Variants in GBE1 observed in about 807,000 individuals in gnomAD.
GBE1 encodes 1,4-alpha-glucan branching enzyme 1, also known as 1,4-alpha-glucan-branching enzyme.
A neutral mutation model predicts 88.8 loss-of-function variants in GBE1; 70 were observed. The observed-to-expected ratio is 0.79, with a 90% confidence interval of 0.65 to 0.96. GBE1 has a LOEUF of 0.96. Among genes scored for constraint, GBE1 ranks in the 40% least tolerant of loss-of-function variants. GBE1 has a pLI of 0.00. For missense variants in GBE1, 872 were observed against 871.0 expected (o/e 1.00, Z -0.01); for synonymous variants, 284 against 300.1 (o/e 0.95, Z 0.56).
At chr3:81,664,693 T>A (rs969268024) in intron 3 of GBE1, among the ~76,000 whole-genome samples, 1 of 152,190 alleles carries the variant, frequency 6.6e-6, no homozygotes, top group Non-Finnish European at 1.5e-5. Context: ...TTGCTTATAG[T>A]TCTATTCACA....
At chr3:81,681,714 A>G (rs1181216737) in intron 2 of GBE1, among the ~76,000 whole-genome samples, 1 of 152,228 alleles carries the variant, frequency 6.6e-6, no homozygotes, top group Non-Finnish European at 1.5e-5. Context: ...TAAAACCAAT[A>G]GTTCTTTAGT....
chr3:81,704,772 C>T (rs537155472), intron 2 of GBE1, among the ~76,000 whole-genome samples: 1 of 152,024 alleles, frequency 6.6e-6, no homozygotes, highest in South Asian at 2.1e-4. Flanking sequence ...ATGTATTTAC[C>T]CTTCAAGAAT....
At chr3:81,525,936 G>A (rs948875527) in intron 14 of GBE1, among the ~76,000 whole-genome samples, 2 of 151,806 alleles carry the variant, frequency 1.3e-5, no homozygotes, top group African/African-American at 4.8e-5. Context: ...TTCTTTATTA[G>A]TCTTCCTAGC....
At chr3:81,541,355 A>C (rs1208739929) in intron 12 of GBE1, among the ~76,000 whole-genome samples, 2 of 151,890 alleles carry the variant, frequency 1.3e-5, no homozygotes, top group Non-Finnish European at 2.9e-5. Flanking sequence ...TAAAAATGTG[A>C]AATTACATTA....
At chr3:81,564,020 TC>T (rs1380829496) in intron 12 of GBE1, among the ~76,000 whole-genome samples, 3 of 151,986 alleles carry the variant, frequency 2.0e-5, no homozygotes, top group Non-Finnish European at 2.9e-5. Flanking sequence ...CCTCTAAAAT[TC>T]CTGTAGAAAT....
Position 81,750,562 on chromosome 3 carries a change from T to TAC in GBE1, c.143+10812_143+10813insGT, listed in dbSNP as rs1491108907. ...ACGTATATATATATGTATATATATATGTATATATATATACGTATATATATA... is the reference window on the plus strand; with the variant it reads ...ACGTATATATATATGTATATATATATACGTATATATATATACGTATATATATA... On this transcript the variant is annotated intron_variant, in intron 1 of 15. Coordinates refer to ENST00000429644, the MANE Select transcript of GBE1 (RefSeq NM_000158.4). 4.1e-4 allele frequency among the ~76,000 whole-genome samples: 33 copies of TAC among 80,904 alleles called. 1 individual carries two copies. Among genetic ancestry groups the TAC allele is most frequent in the Middle Eastern group, 5.2e-3 (1 of 194 alleles). The allele number at this position is 80,904 out of a possible 152,430, so 53.1% of individuals were successfully genotyped here.
In GBE1 at chr3:81,724,302, G is replaced by A. The variant is rs193291634; in HGVS notation, c.144-18689C>T. On this transcript the variant is annotated intron_variant, in intron 1 of 15. Coordinates refer to ENST00000429644, the MANE Select transcript of GBE1 (RefSeq NM_000158.4). The stretch of plus-strand genomic sequence containing the variant: ...TGTCTCCAAATTCACATTAAAGGTC[G>A]TATTTACAAGCATTTTCTTATTAAC... Among the ~76,000 whole-genome samples the A allele has an allele frequency of 2.5e-3, 375 of 152,192 alleles. 6 individuals are homozygous for A. The highest frequency in any genetic ancestry group is 8.6e-3 in the African/African-American group (359 of 41,534).
intron 14 of GBE1, 94 bp downstream of exon 14, chr3:81,535,101 C>G (rs1254079486): frequency 8.8e-7 from 1 of 1,142,270 alleles, no homozygotes; most frequent in African/African-American, 1.7e-5. Context: ...TTTCTGTCAT[C>G]AAGATCAACC....
At chr3:81,743,447 C>A in intron 1 of GBE1, 1 of 718,472 alleles carries the variant, frequency 1.4e-6, no homozygotes, top group South Asian at 1.6e-5. Flanking sequence ...CACATACACC[C>A]CCACAATATT....
At chr3:81,737,320 T>A (rs1415076409) in intron 1 of GBE1, among the ~76,000 whole-genome samples, 1 of 111,726 alleles carries the variant, frequency 9.0e-6, no homozygotes, top group Non-Finnish European at 1.7e-5. Context: ...TTTATATATA[T>A]TTATATATAT....
chr3:81,545,447 T>C lies in GBE1; in HGVS notation c.1619-8352A>G, dbSNP rs76666136. The stretch of plus-strand genomic sequence containing the variant: ...TTTCTCTGGAGGTACAGAAGCAAAA[T>C]ATAGTGATCAGATCCAGAAGATGAG... On this transcript the variant is annotated intron_variant, in intron 12 of 15. Coordinates refer to ENST00000429644, the MANE Select transcript of GBE1 (RefSeq NM_000158.4). Among the ~76,000 whole-genome samples, 893 of 152,090 alleles carry C rather than the reference T, an allele frequency of 5.9e-3. 6 individuals are homozygous for C. The highest frequency in any genetic ancestry group is 0.017 in the African/African-American group (705 of 41,464).
chr3:81,509,658 C>T (rs750981472), intron 14 of GBE1: 6 of 151,668 alleles, frequency 4.0e-5, no homozygotes, highest in Non-Finnish European at 7.4e-5. Context: ...TTTGCAGTCT[C>T]CTCCTTGGGT....
chr3:81,744,667 T>C (rs913572404), intron 1 of GBE1, among the ~76,000 whole-genome samples: 15 of 152,188 alleles, frequency 9.9e-5, no homozygotes, highest in African/African-American at 3.6e-4. Context: ...TCAGATATGA[T>C]TTGCAAGCTA....
At chr3:81,743,714 T>C in intron 1 of GBE1, 1 of 847,424 alleles carries the variant, frequency 1.2e-6, no homozygotes, top group South Asian at 1.9e-5. Flanking sequence ...CCAGATTTAC[T>C]TTGTCTGGCC....
intron 14 of GBE1, among the ~76,000 whole-genome samples, chr3:81,504,181 A>G (rs1702625456): frequency 6.6e-6 from 1 of 152,208 alleles, no homozygotes; most frequent in Admixed American, 6.5e-5. Context: ...TTTCAACATG[A>G]GATCTTAAGG....
In GBE1 at chr3:81,646,765, AC is replaced by A. The variant is rs1442303688; in HGVS notation, c.692-284del. 3.9e-5 allele frequency among the ~76,000 whole-genome samples: 6 copies of A among 152,210 alleles called. No homozygotes were observed. In the East Asian group the frequency reaches 1.2e-3, roughly 29 times the overall value. ...TTAATTTGGTTTTAGCATATTAAAAACGGCAATCTCCATATGCTAAACATCA... is the reference window on the plus strand; with the variant it reads ...TTAATTTGGTTTTAGCATATTAAAAAGGCAATCTCCATATGCTAAACATCA... On this transcript the variant is annotated intron_variant, in intron 5 of 15. Transcript: ENST00000429644.
intron 2 of GBE1, among the ~76,000 whole-genome samples, chr3:81,673,387 T>C (rs1180320421): frequency 6.6e-6 from 1 of 151,850 alleles, no homozygotes; most frequent in African/African-American, 2.4e-5. Flanking sequence ...TGCTCTAAAT[T>C]CGTCATATCT....
At chr3:81,654,576 T>G (rs920021703) in intron 3 of GBE1, 2 of 152,192 alleles carry the variant, frequency 1.3e-5, no homozygotes, top group Non-Finnish European at 2.9e-5. Flanking sequence ...GCACAGTTAT[T>G]GAATCATATA....
intron 2 of GBE1, among the ~76,000 whole-genome samples, chr3:81,704,837 G>C (rs1016623452): frequency 5.3e-5 from 8 of 151,980 alleles, no homozygotes; most frequent in African/African-American, 1.4e-4. Flanking sequence ...CCTCCCACCA[G>C]ACTCTAAGCT....
Sources: gnomAD v4.1 joint callset for allele counts (sites outside exome capture counted in the v4.1 genomes callset) on GRCh38, gnomAD v4.1.1 for gene constraint, MANE v1.5 for transcripts, NCBI Gene and HGNC (gene_info 2026-07-23, HGNC 2026-07-21) for gene names.